Variants in TEX29 observed in about 807,000 individuals in gnomAD.
TEX29 encodes testis expressed 29.
In TEX29, 26 loss-of-function variants were observed where a neutral mutation model predicts 18.2. The observed-to-expected ratio is 1.43, with a 90% CI of 1.04 to 1.98. TEX29 has a LOEUF of 1.98. TEX29 is among the 30% of genes most tolerant of loss of function. The pLI is 0.00. For missense variants in TEX29, 177 were observed against 194.2 expected (o/e 0.91, Z 0.53); for synonymous variants, 83 against 78.5 (o/e 1.06, Z -0.31).
At chr13:111,335,152 C>T (rs1430346281) in intron 3 of TEX29, among the ~76,000 whole-genome samples, 1 of 152,174 alleles carries the variant, frequency 6.6e-6, no homozygotes, top group Non-Finnish European at 1.5e-5. Context: ...GGGGGGTTCT[C>T]GCTCTGCTGT....
chr13:111,332,509 A>G (rs182698980), intron 3 of TEX29, among the ~76,000 whole-genome samples: 1 of 151,958 alleles, frequency 6.6e-6, no homozygotes, highest in African/African-American at 2.4e-5. Flanking sequence ...TCCTAATCTG[A>G]ATGCCTTTTA....
At chr13:111,336,185 T>C (rs993119591) in intron 3 of TEX29, among the ~76,000 whole-genome samples, 8 of 152,252 alleles carry the variant, frequency 5.3e-5, no homozygotes, top group African/African-American at 1.9e-4. Context: ...ATTCTAACTT[T>C]AACAGCTGGG....
chr13:111,334,774 G>A (rs2093687293), intron 3 of TEX29, among the ~76,000 whole-genome samples: 1 of 152,218 alleles, frequency 6.6e-6, no homozygotes, highest in South Asian at 2.1e-4. Context: ...CACCGAATGA[G>A]CTCAGATCAA....
chr13:111,321,576 A>G (rs572960020), intron 2 of TEX29, among the ~76,000 whole-genome samples: 5 of 152,074 alleles, frequency 3.3e-5, no homozygotes, highest in South Asian at 2.1e-4. Context: ...TTTTTTCTCA[A>G]TGGATCTTGT....
upstream of TEX29, among the ~76,000 whole-genome samples, chr13:111,318,920 T>A (rs1042925634): frequency 6.6e-6 from 1 of 152,318 alleles, no homozygotes; most frequent in African/African-American, 2.4e-5. Context: ...TTCTGGGGGC[T>A]GGAAGTTCTA....
In TEX29 at chr13:111,339,934, T is replaced by G; in HGVS notation, c.239+2T>G. 1.3e-6 allele frequency: 2 copies of G among 1,598,280 alleles called. No homozygotes were observed. Among genetic ancestry groups the G allele is most frequent in the Non-Finnish European group, 8.6e-7 (1 of 1,167,686 alleles). On this transcript the variant is annotated splice_donor_variant, in intron 4 of 5. Coordinates refer to ENST00000283547, the MANE Select transcript of TEX29 (RefSeq NM_152324.3). LOFTEE classifies it high-confidence loss of function. The stretch of plus-strand genomic sequence containing the variant: ...CTTCGTCATCACCATCATCTACAGG[T>G]CGGTCCCTTTGTTCTTTACTGGGAG...
rs374737114 is a variant in TEX29 at position 111,320,841 on chromosome 13, C to G, written c.-34-16C>G. On this transcript the variant is annotated splice_polypyrimidine_tract_variant and intron_variant, in intron 1 of 5. Transcript: ENST00000283547. Reference sequence around the variant, plus strand: ...TCCCCAGGGCCCCGCCCGTGCTGACCTCTCCTGTTTTCCAGGTGTGCTCGG... The same window carrying G: ...TCCCCAGGGCCCCGCCCGTGCTGACGTCTCCTGTTTTCCAGGTGTGCTCGG... 6.2e-7 allele frequency: 1 copy of G among 1,612,804 alleles called. No homozygotes were observed. The highest frequency in any genetic ancestry group is 1.7e-5 in the Admixed American group (1 of 60,016).
chr13:111,321,221 A>G (rs1292273497), intron 2 of TEX29, among the ~76,000 whole-genome samples: 1 of 152,254 alleles, frequency 6.6e-6, no homozygotes, highest in Non-Finnish European at 1.5e-5. Flanking sequence ...TAACAGGTCA[A>G]AGGCATTTTG....
intron 3 of TEX29, among the ~76,000 whole-genome samples, chr13:111,336,374 G>A (rs540087041): frequency 3.9e-5 from 6 of 152,338 alleles, no homozygotes; most frequent in African/African-American, 1.4e-4. Context: ...AGTATTCAGT[G>A]ACAGGGTATT....
At chr13:111,322,070 C>T (rs1207420969) in intron 2 of TEX29, among the ~76,000 whole-genome samples, 1 of 151,136 alleles carries the variant, frequency 6.6e-6, no homozygotes, top group Non-Finnish European at 1.5e-5. Context: ...CACAGCAGCA[C>T]CTGGCCCTGC....
intron 2 of TEX29, among the ~76,000 whole-genome samples, chr13:111,326,200 A>C (rs2093672652): frequency 6.6e-6 from 1 of 151,402 alleles, no homozygotes; most frequent in South Asian, 2.1e-4. Context: ...GGGGTGGAGG[A>C]GACTGCGGGC....
At chr13:111,331,726 A>C (rs571155817) in intron 3 of TEX29, among the ~76,000 whole-genome samples, 1 of 152,132 alleles carries the variant, frequency 6.6e-6, no homozygotes, top group South Asian at 2.1e-4. Flanking sequence ...TTTTGAGTTA[A>C]CTTTTGTATC....
chr13:111,336,983 T>G (rs2093690476), intron 3 of TEX29, among the ~76,000 whole-genome samples: 1 of 152,220 alleles, frequency 6.6e-6, no homozygotes, highest in Non-Finnish European at 1.5e-5. Context: ...TCACATAATT[T>G]TGAATTTATT....
At chr13:111,339,783 TG>T in intron 3 of TEX29, 79 bp from the exon 4 acceptor site, 1 of 1,487,604 alleles carries the variant, frequency 6.7e-7, no homozygotes, top group Non-Finnish European at 9.4e-7. Flanking sequence ...CACCCGACTC[TG>T]GGAGGGTTGC....
chr13:111,339,563 A>G (rs1378934124), intron 3 of TEX29: 2 of 506,896 alleles, frequency 3.9e-6, no homozygotes, highest in Non-Finnish European at 7.2e-6. Context: ...GTCAGGACCC[A>G]GTGCCGTCTC....
chr13:111,342,638 A>G, intron 4 of TEX29, 118 bp from the exon 5 acceptor site: 1 of 873,194 alleles, frequency 1.1e-6, no homozygotes. Flanking sequence ...TTAAAAAATA[A>G]GTATGCATGA....
At chr13:111,321,649 A>T (rs967944367) in intron 2 of TEX29, among the ~76,000 whole-genome samples, 5 of 152,012 alleles carry the variant, frequency 3.3e-5, no homozygotes, top group Admixed American at 3.3e-4. Context: ...AGAAAATCGG[A>T]TGGGCGTGGT....
chr13:111,342,211 G>C (rs950461525), intron 4 of TEX29, among the ~76,000 whole-genome samples: 1 of 152,184 alleles, frequency 6.6e-6, no homozygotes. Flanking sequence ...GATTATTTGA[G>C]TCTCTTTGTC....
intron 3 of TEX29, among the ~76,000 whole-genome samples, chr13:111,331,134 C>T (rs1261088841): frequency 2.0e-5 from 3 of 152,286 alleles, no homozygotes; most frequent in East Asian, 3.9e-4. Context: ...AACTGTTTTG[C>T]AAGGTGGCTA....
Sources: gnomAD v4.1 joint callset for allele counts (sites outside exome capture counted in the v4.1 genomes callset) on GRCh38, gnomAD v4.1.1 for gene constraint, MANE v1.5 for transcripts, NCBI Gene and HGNC (gene_info 2026-07-23, HGNC 2026-07-21) for gene names.